Variants in EPHA3 observed in about 807,000 individuals in gnomAD.
EPHA3 encodes ephrin type-A receptor 3.
EPHA3 carries 42 observed loss-of-function variants against 107.1 expected under a neutral mutation model. The ratio of observed to expected loss-of-function variants is 0.39; its 90% CI spans 0.31 to 0.51. The LOEUF is 0.51. Ranked by LOEUF, EPHA3 falls within the 20% of genes least tolerant of loss-of-function variation. EPHA3 has a pLI of 0.78. For synonymous variants in EPHA3, 461 were observed against 424.8 expected (o/e 1.09, Z -1.05); for missense variants, 1,183 against 1,211.2 (o/e 0.98, Z 0.35).
rs1304846935 is a variant in EPHA3 at position 89,472,521 on chromosome 3, AG to A, written c.2750del (p.Gly917ValfsTer27). The stretch of plus-strand genomic sequence containing the variant: ...TGGATATCACTACCTTCCGCACAAC[AG>A]GTGACTGGCTTAATGGTGTCTGGAC... Reference protein sequence around the residue: ...NVDITTFRTTGDWLNGVWTAH... With the variant: ...NVDITTFRTTXDWLNGVWTAH... On this transcript the variant is annotated frameshift_variant, in exon 16 of 17. Coordinates refer to ENST00000336596, the MANE Select transcript of EPHA3 (RefSeq NM_005233.6). LOFTEE classifies it high-confidence loss of function. The A allele has an allele frequency of 1.2e-6, 2 of 1,614,040 alleles. No individual in the cohort carries two copies. The highest frequency in any genetic ancestry group is 1.3e-5 in the African/African-American group (1 of 74,924).
At chr3:89,468,578 G>A (rs969318885) in intron 15 of EPHA3, among the ~76,000 whole-genome samples, 8 of 152,190 alleles carry the variant, frequency 5.3e-5, no homozygotes, top group Middle Eastern at 3.2e-3. Context: ...ATAAGATTCT[G>A]TGCTCCAGCT....
rs538410480 is a variant in EPHA3, at chr3:89,127,486, A to T, written c.153+213A>T. On this transcript the variant is annotated intron_variant, in intron 2 of 16. Transcript: ENST00000336596. ...AGATTTTTTTTCTCCTTAATTTATC[A>T]ATTGCTTGAATGGACTGATTAAATA... Among the ~76,000 whole-genome samples, 9 of 152,052 alleles carry T rather than the reference A, an allele frequency of 5.9e-5. No homozygotes were observed. In the South Asian group the frequency reaches 1.9e-3, roughly 31 times the overall value.
intron 3 of EPHA3, among the ~76,000 whole-genome samples, chr3:89,266,575 C>G (rs1705542956): frequency 6.6e-6 from 1 of 151,998 alleles, no homozygotes; most frequent in Non-Finnish European, 1.5e-5. Flanking sequence ...TATAAATTAA[C>G]TCTCAATTTT....
At chr3:89,394,987 T>G (rs1398895832) in intron 5 of EPHA3, among the ~76,000 whole-genome samples, 1 of 152,158 alleles carries the variant, frequency 6.6e-6, no homozygotes, top group East Asian at 1.9e-4. Context: ...AATGGAAGGG[T>G]TTGAAGAAGG....
chr3:89,419,173 T>C, intron 10 of EPHA3, 32 bp from the exon 11 acceptor site: 1 of 1,534,670 alleles, frequency 6.5e-7, no homozygotes. Flanking sequence ...ATAGAATTCC[T>C]TACATTTTGT....
Position 89,225,906 on chromosome 3 carries a change from C to T in EPHA3, c.814+15386C>T, listed in dbSNP as rs117570041. Among the ~76,000 whole-genome samples, 96 of 152,144 alleles carry T rather than the reference C, an allele frequency of 6.3e-4. 1 individual carries two copies. In the East Asian group the frequency reaches 0.018, roughly 29 times the overall value. The stretch of plus-strand genomic sequence containing the variant: ...TGTTCAAGTTACATTTGCCTGGGGC[C>T]ACTGTGGGACCACAGTCTTCTATGC... On this transcript the variant is annotated intron_variant, in intron 3 of 16. Transcript: ENST00000336596.
At chr3:89,185,263 G>A (rs1236182755) in intron 2 of EPHA3, among the ~76,000 whole-genome samples, 2 of 151,554 alleles carry the variant, frequency 1.3e-5, no homozygotes, top group African/African-American at 4.9e-5. Flanking sequence ...ATCAAACACC[G>A]TTTTAGATTT....
chr3:89,184,298 A>T (rs1705511669), intron 2 of EPHA3, among the ~76,000 whole-genome samples: 2 of 152,014 alleles, frequency 1.3e-5, no homozygotes, highest in Non-Finnish European at 2.9e-5. Flanking sequence ...CTTCATCAAA[A>T]TGGAGGCCCC....
chr3:89,460,821 C>CTTTTTTTT (rs1710216661), intron 15 of EPHA3, among the ~76,000 whole-genome samples: 1 of 116,360 alleles, frequency 8.6e-6, no homozygotes. Flanking sequence ...CTCTCTGTCT[C>CTTTTTTTT]TCTTTTTTTT....
intron 3 of EPHA3, among the ~76,000 whole-genome samples, chr3:89,275,986 TG>T (rs1705795758): frequency 1.3e-5 from 2 of 151,994 alleles, no homozygotes; most frequent in Admixed American, 6.6e-5. Context: ...AGAAGGTGTC[TG>T]AACTAGAACC....
At chr3:89,312,899 T>C (rs142154090) in intron 3 of EPHA3, among the ~76,000 whole-genome samples, 1 of 152,150 alleles carries the variant, frequency 6.6e-6, no homozygotes, top group South Asian at 2.1e-4. Flanking sequence ...TCCATGTCCC[T>C]GTAAAGGACA....
chr3:89,193,275 A>C (rs1445614899), intron 2 of EPHA3, among the ~76,000 whole-genome samples: 1 of 152,042 alleles, frequency 6.6e-6, no homozygotes, highest in Non-Finnish European at 1.5e-5. Context: ...TTGGGTTTAA[A>C]AATTTCTTTT....
At chr3:89,407,501 TA>T (rs1216192462) in intron 8 of EPHA3, 130 bp downstream of exon 8, 11 of 705,030 alleles carry the variant, frequency 1.6e-5, no homozygotes, top group Non-Finnish European at 2.6e-5. Flanking sequence ...ACTTGTAGTT[TA>T]GGTCCTCTCT....
chr3:89,207,408 A>T lies in EPHA3; in HGVS notation c.154-2452A>T, dbSNP rs560252779. On this transcript the variant is annotated intron_variant, in intron 2 of 16. Coordinates refer to ENST00000336596, the MANE Select transcript of EPHA3 (RefSeq NM_005233.6). The stretch of plus-strand genomic sequence containing the variant: ...TGCTCACAACCTGGGTGAGAGGATC[A>T]ATCATACTCAAAACTTGACCTCATG... 1.2e-4 allele frequency among the ~76,000 whole-genome samples: 18 copies of T among 152,330 alleles called. No homozygotes were observed. In the South Asian group the frequency reaches 3.7e-3, roughly 32 times the overall value.
chr3:89,371,077 G>A (rs1292518732), intron 5 of EPHA3, among the ~76,000 whole-genome samples: 1 of 151,676 alleles, frequency 6.6e-6, no homozygotes, highest in African/African-American at 2.4e-5. Flanking sequence ...ATATTTCAAG[G>A]TAGTCAGGTT....
In EPHA3 at chr3:89,378,036, C is replaced by G. The variant is rs1441589630; in HGVS notation, c.1307-17801C>G. ...AACAGAAAACCAAACACCGCATGGT[C>G]TCACTCATAAGTGAGAGCTGAACAA... On this transcript the variant is annotated intron_variant, in intron 5 of 16. Coordinates refer to ENST00000336596, the MANE Select transcript of EPHA3 (RefSeq NM_005233.6). Among the ~76,000 whole-genome samples the G allele has an allele frequency of 5.9e-5, 9 of 152,116 alleles. No homozygotes were observed. The East Asian group carries it at 1.7e-3, about 29-fold the overall frequency.
chr3:89,473,096 G>A (rs1049705181), intron 16 of EPHA3, among the ~76,000 whole-genome samples: 1 of 152,158 alleles, frequency 6.6e-6, no homozygotes, highest in Non-Finnish European at 1.5e-5. Context: ...TTTCATAGTT[G>A]CTAAATAAAC....
At chr3:89,336,055 C>T (rs1455117857) in intron 3 of EPHA3, among the ~76,000 whole-genome samples, 2 of 152,060 alleles carry the variant, frequency 1.3e-5, no homozygotes, top group Admixed American at 6.6e-5. Context: ...ATCTTTTTTC[C>T]ACCCTTCTTG....
chr3:89,375,953 G>A (rs1469802410), intron 5 of EPHA3, among the ~76,000 whole-genome samples: 1 of 151,848 alleles, frequency 6.6e-6, no homozygotes, highest in African/African-American at 2.4e-5. Context: ...ATAAAGGCAG[G>A]CGACACATCT....
Sources: allele counts gnomAD v4.1 joint callset (sites outside exome capture counted in the v4.1 genomes callset), GRCh38; gene constraint gnomAD v4.1.1; transcripts MANE v1.5; gene names NCBI Gene and HGNC (gene_info 2026-07-23, HGNC 2026-07-21).